Variants in GSDME observed in about 807,000 individuals in gnomAD.
GSDME encodes gasdermin E.
GSDME carries 44 observed loss-of-function variants against 47.5 expected under a neutral mutation model. The observed-to-expected ratio is 0.93, with a 90% CI of 0.73 to 1.19. The LOEUF is 1.19. Ranked by LOEUF, GSDME falls within the 50% of genes most tolerant of loss-of-function variation. The pLI is 0.00. For missense variants in GSDME, 663 were observed against 604.2 expected (o/e 1.10, Z -1.02); for synonymous variants, 258 against 252.8 (o/e 1.02, Z -0.20).
At position 24,732,005 on chromosome 7, in the gene GSDME, C is replaced by A. The variant is rs907989966; in HGVS notation, c.404+12557G>T. ...AGGAGACCAGCATAAAGAGGTACTG[C>A]CAGCCCCTCCCATCCCAGACCTTGG... is the stretch of plus-strand genomic sequence containing the variant. On this transcript the variant is annotated intron_variant, in intron 3 of 9. Coordinates refer to ENST00000645220, the MANE Select transcript of GSDME (RefSeq NM_001127453.2). This position sits in a 1 kb window ranked among gnomAD's most constrained non-coding sequence, Gnocchi z 4.8. 6.6e-6 allele frequency among the ~76,000 whole-genome samples: 1 copy of A among 152,184 alleles called. No individual in the cohort carries two copies. The highest frequency in any genetic ancestry group is 6.5e-5 in the Admixed American group (1 of 15,270).
chr7:24,750,874 A>C (rs920848253), intron 1 of GSDME, among the ~76,000 whole-genome samples: 6 of 152,262 alleles, frequency 3.9e-5, no homozygotes, highest in Admixed American at 3.9e-4. Context: ...CAAGAGAAGC[A>C]GTATAGACTA....
intron 3 of GSDME, 151 bp from the exon 4 acceptor site, chr7:24,719,369 C>T (rs1485677359): frequency 1.1e-6 from 1 of 881,122 alleles, no homozygotes; most frequent in Non-Finnish European, 1.8e-6. Context: ...GGCAGGTCAC[C>T]TGGAAAGACA....
intron 3 of GSDME, among the ~76,000 whole-genome samples, chr7:24,729,390 G>C (rs1382705842): frequency 2.0e-5 from 3 of 152,250 alleles, no homozygotes; most frequent in Non-Finnish European, 2.9e-5. Flanking sequence ...CAAGCAAACT[G>C]GGCTCAGTGT....
At chr7:24,749,976 C>CAT (rs1468152425) in intron 1 of GSDME, among the ~76,000 whole-genome samples, 183 bp from the exon 2 acceptor site, 1 of 152,128 alleles carries the variant, frequency 6.6e-6, no homozygotes, top group Non-Finnish European at 1.5e-5. Context: ...ATTGAAAGAA[C>CAT]ATATATATAC....
At chr7:24,708,336 C>T (rs1386661937) in intron 6 of GSDME, 82 bp from the exon 7 acceptor site, 3 of 1,524,044 alleles carry the variant, frequency 2.0e-6, no homozygotes, top group Non-Finnish European at 1.8e-6. Context: ...CTTTTTATAC[C>T]TAATCGTCAT....
At chr7:24,773,012 G>T in the GSDME span, among the ~76,000 whole-genome samples, 1 of 152,258 alleles carries the variant, frequency 6.6e-6, no homozygotes, top group South Asian at 2.1e-4. This position sits in a 1 kb window ranked among gnomAD's most constrained non-coding sequence, Gnocchi z 5.4. Flanking sequence ...GCTGATTATA[G>T]ACAATGGGAA....
At chr7:24,765,372 A>C in the GSDME span, among the ~76,000 whole-genome samples, 1 of 152,352 alleles carries the variant, frequency 6.6e-6, no homozygotes, top group Admixed American at 6.5e-5. Context: ...AACAATGGGC[A>C]CTGTTAAATT....
rs116515000 is a variant in GSDME, at chr7:24,750,165, C to G, written c.-19-372G>C. Reference sequence around the variant, plus strand: ...GGAAAGCCAGCATCTTGAACACTGTCAATCATTATCCAACAGGAAAGAGTT... The same window carrying G: ...GGAAAGCCAGCATCTTGAACACTGTGAATCATTATCCAACAGGAAAGAGTT... On this transcript the variant is annotated intron_variant, in intron 1 of 9. Transcript: ENST00000645220. 6.7e-3 allele frequency among the ~76,000 whole-genome samples: 1,019 copies of G among 152,286 alleles called. 10 individuals are homozygous for G. Among genetic ancestry groups the G allele is most frequent in the African/African-American group, 0.023 (975 of 41,544 alleles).
At chr7:24,701,447 A>G (rs1788864534) in intron 9 of GSDME, among the ~76,000 whole-genome samples, 2 of 152,200 alleles carry the variant, frequency 1.3e-5, no homozygotes, top group Admixed American at 1.3e-4. Context: ...GAGGACAGCT[A>G]AGTGTGAGTT....
intron 3 of GSDME, among the ~76,000 whole-genome samples, chr7:24,737,207 CAA>C (rs1264919362): frequency 2.0e-5 from 3 of 151,564 alleles, no homozygotes; most frequent in Admixed American, 1.3e-4. Context: ...ATTAATGAAA[CAA>C]AAGTTTGTTT....
upstream of GSDME, among the ~76,000 whole-genome samples, chr7:24,759,682 G>A (rs1791135640): frequency 6.6e-6 from 1 of 152,082 alleles, no homozygotes; most frequent in South Asian, 2.1e-4. Context: ...CCCACCATAG[G>A]GTAGACTCTC....
the GSDME span, among the ~76,000 whole-genome samples, chr7:24,771,065 G>C: frequency 6.6e-6 from 1 of 151,786 alleles, no homozygotes; most frequent in Non-Finnish European, 1.5e-5. The surrounding 1 kb of genome is among the most constrained non-coding windows in gnomAD (Gnocchi z 4.1). Flanking sequence ...ACACCAAGCA[G>C]GATAAATGAC....
At chr7:24,793,991 G>A in the GSDME span, among the ~76,000 whole-genome samples, 3 of 152,154 alleles carry the variant, frequency 2.0e-5, no homozygotes, top group Non-Finnish European at 4.4e-5. Context: ...AGTGCTTTCG[G>A]GCTACGCCCT....
At position 24,714,969 on chromosome 7, in the gene GSDME, TTGA is replaced by T. The variant is rs1789492756; in HGVS notation, c.697+2282_697+2284del. Among the ~76,000 whole-genome samples, 1 of 152,220 alleles carries T rather than the reference TTGA, an allele frequency of 6.6e-6. No homozygotes were observed. Among genetic ancestry groups the T allele is most frequent in the Non-Finnish European group, 1.5e-5 (1 of 68,042 alleles). ...GATACGGAAATAATGTAACTGTCTG[TTGA>T]TGGACAAATAGATAAAGAAAATTGA... On this transcript the variant is annotated intron_variant, in intron 5 of 9. Transcript: ENST00000645220. This position sits in a 1 kb window ranked among gnomAD's most constrained non-coding sequence, Gnocchi z 5.0.
chr7:24,720,832 G>A (rs189676756), intron 3 of GSDME, among the ~76,000 whole-genome samples: 24 of 152,188 alleles, frequency 1.6e-4, no homozygotes, highest in African/African-American at 3.4e-4. Context: ...GCTTGAACCC[G>A]GGAGGCGGAG....
At chr7:24,719,513 C>T (rs1789696756) in intron 3 of GSDME, among the ~76,000 whole-genome samples, 1 of 152,148 alleles carries the variant, frequency 6.6e-6, no homozygotes, top group Non-Finnish European at 1.5e-5. Context: ...TCAACCAGGG[C>T]CAGGCGTGGT....
the GSDME span, among the ~76,000 whole-genome samples, chr7:24,771,816 G>A: frequency 6.6e-6 from 1 of 152,172 alleles, no homozygotes; most frequent in Non-Finnish European, 1.5e-5. This position sits in a 1 kb window ranked among gnomAD's most constrained non-coding sequence, Gnocchi z 4.1. Context: ...AAGGCCAAGA[G>A]GAAGGGAGGC....
At chr7:24,737,509 C>A (rs577440502) in intron 3 of GSDME, among the ~76,000 whole-genome samples, 1 of 151,940 alleles carries the variant, frequency 6.6e-6, no homozygotes, top group South Asian at 2.1e-4. Context: ...AAAATAAAGT[C>A]TCCCAGAAAA....
chr7:24,710,446 AG>A, intron 5 of GSDME, 58 bp from the exon 6 acceptor site: 1 of 1,579,098 alleles, frequency 6.3e-7, no homozygotes, highest in Non-Finnish European at 8.7e-7. Context: ...TGTGCCAACA[AG>A]TCTGGACAGG....
Sources: allele counts gnomAD v4.1 joint callset (sites outside exome capture counted in the v4.1 genomes callset), GRCh38; gene constraint gnomAD v4.1.1; non-coding constraint Gnocchi (gnomAD v3.1); transcripts MANE v1.5; gene names NCBI Gene and HGNC (gene_info 2026-07-23, HGNC 2026-07-21).